Variants in SNRPN observed in about 807,000 individuals in gnomAD.
The protein encoded by SNRPN is small nuclear ribonucleoprotein polypeptide N, also known as small nuclear ribonucleoprotein-associated protein N.
In SNRPN, 7 loss-of-function variants were observed where a neutral mutation model predicts 25.2. That is an observed-to-expected ratio of 0.28 (90% CI 0.16 to 0.52). SNRPN has a LOEUF of 0.52. SNRPN is among the 20% of genes least tolerant of loss of function. The pLI is 0.96. For synonymous variants in SNRPN, 124 were observed against 110.6 expected (o/e 1.12, Z -0.76); for missense variants, 196 against 322.5 (o/e 0.61, Z 3.00).
At chr15:24,897,079 G>C (rs1212964654) in intron 2 of SNRPN, among the ~76,000 whole-genome samples, 2 of 152,076 alleles carry the variant, frequency 1.3e-5, no homozygotes, top group Non-Finnish European at 2.9e-5. Flanking sequence ...TTTGGGTCCA[G>C]GAGGCAGAGG....
chr15:24,894,412 C>G (rs900779026), intron 2 of SNRPN, among the ~76,000 whole-genome samples: 36 of 152,142 alleles, frequency 2.4e-4, no homozygotes, highest in East Asian at 1.2e-3. Flanking sequence ...TAGAGACGGG[C>G]TTTCACCATG....
intron 2 of SNRPN, among the ~76,000 whole-genome samples, chr15:24,919,363 G>A (rs1595903321): frequency 1.3e-5 from 2 of 151,308 alleles, no homozygotes; most frequent in South Asian, 2.1e-4. Context: ...CCCGGGAGGC[G>A]GAGCTTGGAG....
intron 4 of SNRPN, 22 bp downstream of exon 4, chr15:24,974,478 AG>A (rs1309961258): frequency 6.2e-7 from 1 of 1,612,548 alleles, no homozygotes; most frequent in Non-Finnish European, 8.5e-7. Flanking sequence ...GATAAGGCTG[AG>A]GGTTGAAATG....
In SNRPN at chr15:24,824,792, G is replaced by C. The variant is rs187414493; in HGVS notation, c.-687+942G>C. Among the ~76,000 whole-genome samples the C allele has an allele frequency of 2.7e-3, 300 of 112,578 alleles. 4 individuals carry two copies. The highest frequency in any genetic ancestry group is 8.8e-3 in the African/African-American group (292 of 33,200). The allele number at this position is 112,578 out of a possible 152,430, so 73.9% of individuals were successfully genotyped here. A position where few individuals can be genotyped will look rare whatever the true frequency, so the allele number is the denominator to read the frequency against. On this transcript the variant is annotated intron_variant, in intron 1 of 12. Coordinates refer to the SNRPN transcript ENST00000400100. The stretch of plus-strand genomic sequence containing the variant: ...TGAGACTAGATGGCAAGTAAAGATA[G>C]GATTCCTCACCCTAGGTTAAACACT...
intron 3 of SNRPN, among the ~76,000 whole-genome samples, chr15:24,971,954 C>G (rs903207302): frequency 2.0e-5 from 3 of 152,048 alleles, no homozygotes; most frequent in African/African-American, 7.2e-5. Context: ...TGTTGCAGTG[C>G]TATAAAAATG....
chr15:24,867,637 G>T (rs2054704060), intron 1 of SNRPN, among the ~76,000 whole-genome samples: 1 of 152,274 alleles, frequency 6.6e-6, no homozygotes. Context: ...GCCTCCCAAA[G>T]TGCTGGGATT....
rs527247009 is a variant in SNRPN, at chr15:24,867,669, C to T, written c.-579+10953C>T. On this transcript the variant is annotated intron_variant, in intron 1 of 11. Transcript: ENST00000400097. ...GATTACAGGCGTGAGCCACTGCGCC[C>T]GGCCTTAAATAAGTTTTCTCTAGAG... 3.9e-4 allele frequency among the ~76,000 whole-genome samples: 60 copies of T among 152,220 alleles called. 1 individual carries two copies. Among genetic ancestry groups the T allele is most frequent in the Non-Finnish European group, 5.6e-4 (38 of 68,010 alleles).
chr15:24,865,588 A>G (rs1433223759), intron 1 of SNRPN, among the ~76,000 whole-genome samples: 2 of 152,102 alleles, frequency 1.3e-5, no homozygotes, highest in African/African-American at 4.8e-5. Context: ...TTGTTTTAAG[A>G]TTGTTTATGT....
At chr15:24,860,484 T>C (rs928931699) in intron 1 of SNRPN, among the ~76,000 whole-genome samples, 1 of 152,212 alleles carries the variant, frequency 6.6e-6, no homozygotes, top group Non-Finnish European at 1.5e-5. Flanking sequence ...CAAAGCTCCA[T>C]TTAAATTACA....
intron 1 of SNRPN, among the ~76,000 whole-genome samples, chr15:24,960,790 C>G (rs2074655630): frequency 6.6e-6 from 1 of 152,072 alleles, no homozygotes; most frequent in Non-Finnish European, 1.5e-5. Context: ...TGAAAAAATA[C>G]TTTTTTGAGG....
intron 1 of SNRPN, among the ~76,000 whole-genome samples, chr15:24,857,954 C>T (rs180860304): frequency 6.6e-6 from 1 of 152,120 alleles, no homozygotes; most frequent in East Asian, 1.9e-4. Flanking sequence ...TGGAAGCTGT[C>T]CTCTTGCGCT....
intron 2 of SNRPN, among the ~76,000 whole-genome samples, chr15:24,839,659 T>G (rs2142990959): frequency 6.6e-6 from 1 of 152,200 alleles, no homozygotes; most frequent in East Asian, 1.9e-4. Context: ...TTCTGACAAA[T>G]GATGATGACA....
chr15:24,886,827 A>G (rs1241927095), intron 2 of SNRPN, among the ~76,000 whole-genome samples: 1 of 152,190 alleles, frequency 6.6e-6, no homozygotes, highest in African/African-American at 2.4e-5. Context: ...TATTTCTCAG[A>G]TGCATTTATT....
chr15:24,871,070 A>G (rs1348737517), intron 1 of SNRPN, among the ~76,000 whole-genome samples: 1 of 151,734 alleles, frequency 6.6e-6, no homozygotes, highest in Non-Finnish European at 1.5e-5. Context: ...TTTAGCAGAG[A>G]TGGGGTTTCA....
chr15:24,894,685 T>A (rs1023663696), intron 2 of SNRPN, among the ~76,000 whole-genome samples: 1 of 152,132 alleles, frequency 6.6e-6, no homozygotes, highest in African/African-American at 2.4e-5. Context: ...ATTGGGAAAA[T>A]AAGGGACAAG....
At chr15:24,884,620 A>C (rs2057026821) in intron 1 of SNRPN, among the ~76,000 whole-genome samples, 1 of 152,046 alleles carries the variant, frequency 6.6e-6, no homozygotes, top group Non-Finnish European at 1.5e-5. Context: ...TTTCTTTTGG[A>C]TTCTTTTAAA....
At chr15:24,948,275 A>C (rs1012000161) in intron 3 of SNRPN, among the ~76,000 whole-genome samples, 4 of 151,900 alleles carry the variant, frequency 2.6e-5, no homozygotes, top group African/African-American at 7.3e-5. Context: ...CACCATGCCC[A>C]GTTAATTTTT....
At chr15:24,871,267 A>G (rs1333640356) in intron 1 of SNRPN, among the ~76,000 whole-genome samples, 1 of 152,028 alleles carries the variant, frequency 6.6e-6, no homozygotes, top group Non-Finnish European at 1.5e-5. Flanking sequence ...TTCAAAAACA[A>G]TATGATGTAG....
In SNRPN at chr15:24,834,728, C is replaced by CTCTCTCTCTCTCTCT. The variant is rs2050864758; in HGVS notation, c.-579+4823_-579+4824insTCTCTCTCTCTCTCT. 3.6e-3 allele frequency among the ~76,000 whole-genome samples: 156 copies of CTCTCTCTCTCTCTCT among 42,786 alleles called. 12 individuals carry two copies. Among genetic ancestry groups the CTCTCTCTCTCTCTCT allele is most frequent in the Non-Finnish European group, 4.9e-3 (110 of 22,438 alleles). The allele number at this position is 42,786 out of a possible 152,430, so 28.1% of individuals were successfully genotyped here. A position where few individuals can be genotyped will look rare whatever the true frequency, so the allele number is the denominator to read the frequency against. ...GAGTGAGACCTTGTCTCTCTCTCTC[C>CTCTCTCTCTCTCTCT]CTCTCTCTCTCTCTCTCTCTCTCTA... On this transcript the variant is annotated intron_variant, in intron 2 of 12. Transcript: ENST00000400100.
Sources: allele counts gnomAD v4.1 joint callset (sites outside exome capture counted in the v4.1 genomes callset), GRCh38; gene constraint gnomAD v4.1.1; transcripts MANE v1.5; gene names NCBI Gene and HGNC (gene_info 2026-07-23, HGNC 2026-07-21).